C3orf49: variants seen among roughly 807,000 people sequenced by gnomAD.
The protein encoded by C3orf49 is putative uncharacterized protein C3orf49.
C3orf49 carries 27 observed loss-of-function variants against 13.3 expected under a neutral mutation model. The observed-to-expected ratio is 2.02, with a 90% CI of 1.49 to 2.79. The LOEUF (loss-of-function observed/expected upper bound fraction) is 2.79. C3orf49 is among the 30% of genes most tolerant of loss of function. C3orf49 has a pLI of 0.00. For synonymous variants in C3orf49, 87 were observed against 47.6 expected, an observed-to-expected ratio of 1.83 and a Z score of -3.40; for missense variants, 242 against 134.2, an observed-to-expected ratio of 1.80 and a Z score of -3.97.
chr3:63,780,647 GCACC>G, the C3orf49 span, among the ~76,000 whole-genome samples: 3 of 152,116 alleles, frequency 2.0e-5, no homozygotes, highest in Admixed American at 1.3e-4. Context: ...ATCCTCTCCA[GCACC>G]TGTTTCCTGA....
intron 5 of C3orf49, chr3:63,835,496 G>T: frequency 1.0e-6 from 1 of 988,590 alleles, no homozygotes; most frequent in Non-Finnish European, 1.5e-6. Context: ...ATAAAAAAAG[G>T]GCTTATAAGG....
chr3:63,788,778 C>T, the C3orf49 span, among the ~76,000 whole-genome samples: 1 of 151,836 alleles, frequency 6.6e-6, no homozygotes, highest in South Asian at 2.1e-4. Context: ...AGGAGACTTG[C>T]CCAGGGTCAC....
chr3:63,824,609 C>A (rs1701441999), intron 2 of C3orf49, among the ~76,000 whole-genome samples: 1 of 152,082 alleles, frequency 6.6e-6, no homozygotes, highest in Non-Finnish European at 1.5e-5. Context: ...AAGGCCAAAG[C>A]GGTTGGATCA....
rs1387851379 is a variant in C3orf49, at chr3:63,831,729, CCCAAAGA to C, written c.736_742del (p.Gln246MetfsTer29). ...ACTGATAAATCCATGAAGCTACTGG[CCCAAAGA>C]CATGCTGAGCTTCAACAGTGTGAGT... On this transcript the variant is annotated frameshift_variant, in exon 5 of 7. Transcript: ENST00000295896. LOFTEE classifies it high-confidence loss of function. 2.1e-5 allele frequency: 15 copies of C among 703,128 alleles called. No individual in the cohort carries two copies. Among genetic ancestry groups the C allele is most frequent in the Middle Eastern group, 4.6e-4 (2 of 4,370 alleles). 43.6% of individuals were successfully genotyped at this position (703,128 alleles called of 1,614,324 possible).
intron 6 of C3orf49, among the ~76,000 whole-genome samples, chr3:63,847,554 A>G (rs980499943): frequency 2.0e-5 from 3 of 152,130 alleles, no homozygotes; most frequent in Admixed American, 6.5e-5. Flanking sequence ...CTGGCCAACA[A>G]GGCGAAACCC....
chr3:63,834,094 A>T (rs367732721), intron 5 of C3orf49: 2 of 1,603,972 alleles, frequency 1.2e-6, no homozygotes, highest in Non-Finnish European at 1.7e-6. Flanking sequence ...TCATGTAGCT[A>T]TTTCAATATT....
At chr3:63,799,698 G>C in the C3orf49 span, among the ~76,000 whole-genome samples, 16 of 152,016 alleles carry the variant, frequency 1.1e-4, no homozygotes, top group East Asian at 1.9e-4. Flanking sequence ...ATTATAATGA[G>C]AGAAAGCAAT....
intron 1 of C3orf49, among the ~76,000 whole-genome samples, chr3:63,820,627 G>GT (rs932643977): frequency 6.6e-6 from 1 of 152,156 alleles, no homozygotes; most frequent in Non-Finnish European, 1.5e-5. Flanking sequence ...CTGTGTCACA[G>GT]TATGTGTATG....
intron 5 of C3orf49, among the ~76,000 whole-genome samples, chr3:63,842,976 CAG>C (rs1385652633): frequency 1.3e-5 from 2 of 151,616 alleles, no homozygotes; most frequent in Middle Eastern, 3.4e-3. Flanking sequence ...TTTATAGAGA[CAG>C]AGTTTCACCA....
At chr3:63,806,790 C>A in the C3orf49 span, among the ~76,000 whole-genome samples, 1 of 152,136 alleles carries the variant, frequency 6.6e-6, no homozygotes, top group Non-Finnish European at 1.5e-5. Context: ...CCTGGCCTGC[C>A]TGACTCTGCT....
intron 5 of C3orf49, among the ~76,000 whole-genome samples, chr3:63,842,659 A>T (rs1365179476): frequency 6.6e-6 from 1 of 152,142 alleles, no homozygotes; most frequent in Non-Finnish European, 1.5e-5. Flanking sequence ...GAGGACACCA[A>T]AACATACAGA....
chr3:63,807,239 C>T, the C3orf49 span, among the ~76,000 whole-genome samples: 1 of 152,230 alleles, frequency 6.6e-6, no homozygotes, highest in Non-Finnish European at 1.5e-5. Context: ...GCGTGAGCCA[C>T]TGCACCCGGG....
At chr3:63,802,316 T>C in the C3orf49 span, among the ~76,000 whole-genome samples, 2 of 152,204 alleles carry the variant, frequency 1.3e-5, no homozygotes, top group Non-Finnish European at 2.9e-5. Context: ...GCTCAATCAG[T>C]CTTTTGCAAA....
intron 1 of C3orf49, among the ~76,000 whole-genome samples, chr3:63,821,824 A>G (rs769325220): frequency 2.6e-5 from 4 of 152,280 alleles, no homozygotes; most frequent in Non-Finnish European, 5.9e-5. Context: ...GGATGTGGCT[A>G]TAAAACATGA....
chr3:63,843,606 T>C (rs1228867772), intron 5 of C3orf49, among the ~76,000 whole-genome samples: 2 of 151,644 alleles, frequency 1.3e-5, no homozygotes, highest in Non-Finnish European at 2.9e-5. Flanking sequence ...ATGAATGAAT[T>C]AAAAAAAATG....
chr3:63,790,005 A>G, the C3orf49 span, among the ~76,000 whole-genome samples: 1 of 152,182 alleles, frequency 6.6e-6, no homozygotes, highest in South Asian at 2.1e-4. Context: ...TAGAGCCATT[A>G]TCCTTCCTAG....
At chr3:63,793,875 G>T in the C3orf49 span, among the ~76,000 whole-genome samples, 1 of 152,074 alleles carries the variant, frequency 6.6e-6, no homozygotes, top group Non-Finnish European at 1.5e-5. Flanking sequence ...ATAATTGTTG[G>T]TCAGGTGTGG....
At chr3:63,787,995 T>C in the C3orf49 span, among the ~76,000 whole-genome samples, 1 of 152,218 alleles carries the variant, frequency 6.6e-6, no homozygotes, top group African/African-American at 2.4e-5. Flanking sequence ...GAAATGTCAG[T>C]GCCCAAACTT....
chr3:63,819,118 GATTT>G (rs1701363544), upstream of C3orf49, among the ~76,000 whole-genome samples: 2 of 150,804 alleles, frequency 1.3e-5, no homozygotes, highest in East Asian at 4.4e-4. Flanking sequence ...GTTGTTGTTT[GATTT>G]TTTTTTTCTA....
Sources: gnomAD v4.1 joint callset for allele counts (sites outside exome capture counted in the v4.1 genomes callset) on GRCh38, gnomAD v4.1.1 for gene constraint, MANE v1.5 for transcripts, NCBI Gene and HGNC (gene_info 2026-07-23, HGNC 2026-07-21) for gene names.